The following SLC16A12 variants were observed in gnomAD, a reference collection of about 807,000 sequenced individuals.
SLC16A12 encodes the protein solute carrier family 16 member 12.
Under a neutral mutation model 42.4 loss-of-function variants are expected in SLC16A12, and 17 were observed. That is an observed-to-expected ratio of 0.40 (90% CI 0.27 to 0.60). The LOEUF (loss-of-function observed/expected upper bound fraction) is 0.60, where lower values mean the gene tolerates loss of function less well. Ranked by LOEUF, SLC16A12 falls within the 20% of genes least tolerant of loss-of-function variation. The pLI, the probability that SLC16A12 is intolerant of heterozygous loss-of-function variation, is 0.42. For missense variants in SLC16A12, 544 were observed against 623.0 expected (o/e 0.87, Z 1.35); for synonymous variants, 224 against 229.4 (o/e 0.98, Z 0.21).
intron 2 of SLC16A12, among the ~76,000 whole-genome samples, chr10:89,527,702 G>C (rs1843477704): frequency 6.6e-6 from 1 of 151,522 alleles, no homozygotes; most frequent in Non-Finnish European, 1.5e-5. Flanking sequence ...AGCTACTTTG[G>C]AGGCTGAAGC....
intron 3 of SLC16A12, among the ~76,000 whole-genome samples, chr10:89,459,538 A>ATGTG (rs887171863): frequency 2.2e-5 from 2 of 90,116 alleles, no homozygotes; most frequent in South Asian, 2.9e-4. Flanking sequence ...GTGTGTGTGT[A>ATGTG]TGTGTGTGTG....
chr10:89,436,831 GAAAT>G (rs1415391335), intron 6 of SLC16A12, among the ~76,000 whole-genome samples: 7 of 120,706 alleles, frequency 5.8e-5, no homozygotes, highest in African/African-American at 2.0e-4. Flanking sequence ...AGGAAGGAAG[GAAAT>G]AAGGAGAAAG....
chr10:89,537,458 T>C (rs934658453), upstream of SLC16A12, among the ~76,000 whole-genome samples: 2 of 152,198 alleles, frequency 1.3e-5, no homozygotes, highest in Non-Finnish European at 2.9e-5. Context: ...ATTTAAGTCC[T>C]ATTTTCACTT....
At chr10:89,501,613 T>C (rs1361546937) in intron 2 of SLC16A12, among the ~76,000 whole-genome samples, 3 of 152,162 alleles carry the variant, frequency 2.0e-5, no homozygotes. Flanking sequence ...TAGCTGAGTG[T>C]GGCAGTGCAT....
At chr10:89,450,535 C>G (rs1842077996) in intron 3 of SLC16A12, among the ~76,000 whole-genome samples, 2 of 152,200 alleles carry the variant, frequency 1.3e-5, no homozygotes, top group Admixed American at 1.3e-4. Flanking sequence ...CATGTTCTCA[C>G]TCATAAGTGG....
intron 3 of SLC16A12, among the ~76,000 whole-genome samples, chr10:89,445,503 G>A (rs1255049068): frequency 6.6e-6 from 1 of 152,230 alleles, no homozygotes; most frequent in African/African-American, 2.4e-5. Context: ...CAGACCTGCA[G>A]CTGAGGGACC....
Position 89,552,751 on chromosome 10 carries a change from GAGTA to G in SLC16A12, c.-47+3127_-47+3130del, listed in dbSNP as rs1241812490. Among the ~76,000 whole-genome samples, 6 of 152,296 alleles carry G rather than the reference GAGTA, an allele frequency of 3.9e-5. No homozygotes were observed. The East Asian group carries it at 1.2e-3, about 29-fold the overall frequency. On this transcript the variant is annotated intron_variant, in intron 2 of 2. Transcript: ENST00000475682. ...GCCCTGCCCTAACAGAATCTGGAGA[GAGTA>G]AGTGAGATGCGAACTAAGACTTAGC...
Position 89,457,562 on chromosome 10 carries a change from C to T in SLC16A12, c.200+4817G>A, listed in dbSNP as rs527904403. On this transcript the variant is annotated intron_variant, in intron 3 of 7. Transcript: ENST00000371790. ...AGATTAGTTCAACCATTGTAGAAGA[C>T]AGTGCGGTGATTCCTCAAAGACCTA... Among the ~76,000 whole-genome samples the T allele has an allele frequency of 3.9e-5, 6 of 152,300 alleles. No homozygotes were observed. The East Asian group carries it at 1.2e-3, about 29-fold the overall frequency.
intron 1 of SLC16A12, 116 bp from the exon 2 acceptor site, chr10:89,534,756 G>A (rs1283621842): frequency 1.3e-5 from 2 of 152,098 alleles, no homozygotes; most frequent in African/African-American, 4.8e-5. Context: ...TGGAGCCGGG[G>A]AGGCGGAGGT....
chr10:89,517,767 C>T (rs1330850583), intron 2 of SLC16A12, among the ~76,000 whole-genome samples: 1 of 152,182 alleles, frequency 6.6e-6, no homozygotes, highest in Non-Finnish European at 1.5e-5. Flanking sequence ...TCACAGTTCA[C>T]AGGAGGTAGC....
At chr10:89,510,683 C>T (rs537543854) in intron 2 of SLC16A12, among the ~76,000 whole-genome samples, 9 of 152,062 alleles carry the variant, frequency 5.9e-5, no homozygotes, top group Non-Finnish European at 7.4e-5. Context: ...AAAGACTTCA[C>T]GACTAAAACA....
chr10:89,458,556 C>T (rs778065569), intron 3 of SLC16A12, among the ~76,000 whole-genome samples: 8 of 152,270 alleles, frequency 5.3e-5, no homozygotes, highest in South Asian at 2.1e-4. Flanking sequence ...ATTCTACCAC[C>T]GGAAGGTATT....
At chr10:89,523,902 G>C (rs1351323311) in intron 2 of SLC16A12, among the ~76,000 whole-genome samples, 1 of 152,124 alleles carries the variant, frequency 6.6e-6, no homozygotes, top group Non-Finnish European at 1.5e-5. Context: ...TAAAACAAAA[G>C]GTGCAATGAC....
intron 2 of SLC16A12, among the ~76,000 whole-genome samples, chr10:89,508,827 G>T (rs1031827256): frequency 3.3e-5 from 5 of 152,064 alleles, no homozygotes; most frequent in Admixed American, 6.6e-5. Flanking sequence ...TAGATAGACT[G>T]CTAGCCAGAC....
At position 89,438,931 on chromosome 10, in the gene SLC16A12, G is replaced by A. The variant is rs761547419; in HGVS notation, c.701C>T (p.Thr234Ile). ...MRPITLKEDH[T>I]TPEQNHVCRT... ...ACACACATGGTTCTGCTCTGGAGTT[G>A]TGTGGTCCTCTTTAAGAGTAATTGG... Residue 234 changes from threonine (T) to isoleucine (I), a missense_variant, in exon 6 of 8, where the codon ACA (threonine) becomes ATA (isoleucine). Physicochemically the swap from Thr to Ile is moderately conservative, Grantham distance 89. Coordinates refer to ENST00000371790, the MANE Select transcript of SLC16A12 (RefSeq NM_213606.4). 3 of 1,614,074 alleles carry A rather than the reference G, an allele frequency of 1.9e-6. No homozygotes were observed. The highest frequency in any genetic ancestry group is 1.1e-5 in the South Asian group (1 of 91,086).
rs754864125 is a variant in SLC16A12 at position 89,433,155 on chromosome 10, T to C, written c.1460A>G (p.Asn487Ser). The change falls in exon 8 of 8, where the codon AAT (asparagine) becomes AGT (serine). Residue 487 changes from asparagine to serine, a missense_variant. Physicochemically the swap from Asn to Ser is conservative, Grantham distance 46 (BLOSUM62 1). Coordinates refer to ENST00000371790, the MANE Select transcript of SLC16A12 (RefSeq NM_213606.4). ...TGCCACAGAATAAGCCACTGATCCA[T>C]TGGTCCATAGCTGCAGCTTAGGATC... ...ESDPKLQLWT[N>S]GSVAYSVARE... 11 of 1,614,178 alleles carry C rather than the reference T, an allele frequency of 6.8e-6. No homozygotes were observed. The highest frequency in any genetic ancestry group is 1.3e-5 in the African/African-American group (1 of 75,038).
chr10:89,550,856 TTTG>T (rs1185782748), intron 2 of SLC16A12, among the ~76,000 whole-genome samples: 3 of 152,160 alleles, frequency 2.0e-5, no homozygotes, highest in Non-Finnish European at 1.5e-5. Context: ...TTAATTGCAT[TTTG>T]TTGTTGTTGT....
chr10:89,492,563 A>AC (rs1333550584), intron 2 of SLC16A12, among the ~76,000 whole-genome samples: 2 of 152,052 alleles, frequency 1.3e-5, no homozygotes, highest in African/African-American at 4.8e-5. Flanking sequence ...ACGTGGAGAA[A>AC]CCCCGTCTCT....
chr10:89,460,046 T>G (rs1417500455), intron 3 of SLC16A12, among the ~76,000 whole-genome samples: 2 of 152,210 alleles, frequency 1.3e-5, no homozygotes, highest in African/African-American at 4.8e-5. Flanking sequence ...TGAGGCAATG[T>G]GATTGGAAGA....
Sources: gnomAD v4.1 joint callset for allele counts (sites outside exome capture counted in the v4.1 genomes callset) on GRCh38, gnomAD v4.1.1 for gene constraint, MANE v1.5 for transcripts, NCBI Gene and HGNC (gene_info 2026-07-23, HGNC 2026-07-21) for gene names.